Variants in MAP4K5 observed in about 807,000 individuals in gnomAD.
The protein encoded by MAP4K5 is MAPK/ERK kinase kinase kinase 5.
In MAP4K5, 82 loss-of-function variants were observed where a neutral mutation model predicts 135.6. The observed-to-expected ratio is 0.60, with a 90% CI of 0.51 to 0.73. MAP4K5 has a LOEUF of 0.73. MAP4K5 is among the 30% of genes least tolerant of loss of function. MAP4K5 has a pLI of 0.00. For synonymous variants in MAP4K5, 347 were observed against 335.0 expected (o/e 1.04, Z -0.39); for missense variants, 907 against 1,010.9 (o/e 0.90, Z 1.39).
intron 1 of MAP4K5, among the ~76,000 whole-genome samples, chr14:50,544,928 C>T (rs2038609525): frequency 8.4e-6 from 1 of 118,448 alleles, no homozygotes; most frequent in African/African-American, 3.6e-5. Flanking sequence ...CAGAGTGAGA[C>T]CCACTCTCAA....
At chr14:50,511,643 C>T (rs1179861145) in intron 2 of MAP4K5, among the ~76,000 whole-genome samples, 7 of 151,978 alleles carry the variant, frequency 4.6e-5, no homozygotes, top group African/African-American at 1.2e-4. Flanking sequence ...TTTTATGTAT[C>T]GAAACATCAC....
At chr14:50,420,864 A>G (rs530411681) in intron 32 of MAP4K5, among the ~76,000 whole-genome samples, 18 of 152,110 alleles carry the variant, frequency 1.2e-4, no homozygotes, top group African/African-American at 4.3e-4. Flanking sequence ...ATGGAGAAAG[A>G]GTTCAATCAA....
At chr14:50,543,021 G>C (rs957799223) in intron 1 of MAP4K5, among the ~76,000 whole-genome samples, 26 of 152,336 alleles carry the variant, frequency 1.7e-4, no homozygotes, top group African/African-American at 6.0e-4. Flanking sequence ...AAATTGCCCA[G>C]AATGTGAAAA....
intron 2 of MAP4K5, among the ~76,000 whole-genome samples, chr14:50,538,168 G>A (rs1384956938): frequency 6.6e-6 from 1 of 152,178 alleles, no homozygotes; most frequent in Non-Finnish European, 1.5e-5. Context: ...TAAGTCTCAT[G>A]AGATCTGATG....
intron 2 of MAP4K5, among the ~76,000 whole-genome samples, chr14:50,511,675 C>T (rs953585709): frequency 6.6e-6 from 1 of 151,908 alleles, no homozygotes; most frequent in Non-Finnish European, 1.5e-5. Context: ...ATGAATCTTA[C>T]CCATATGTAC....
chr14:50,495,639 A>G (rs1302081993), intron 3 of MAP4K5, among the ~76,000 whole-genome samples: 1 of 152,242 alleles, frequency 6.6e-6, no homozygotes, highest in Non-Finnish European at 1.5e-5. Flanking sequence ...TATTTACAAT[A>G]GCCAAGAGGT....
intron 28 of MAP4K5, among the ~76,000 whole-genome samples, chr14:50,430,384 A>G (rs1429098057): frequency 6.6e-6 from 1 of 152,244 alleles, no homozygotes; most frequent in Non-Finnish European, 1.5e-5. Context: ...AGAACTCTCT[A>G]GAGACACTGA....
At chr14:50,554,975 A>G (rs80223928) in intron 1 of MAP4K5, among the ~76,000 whole-genome samples, 5,671 of 152,202 alleles carry the variant, frequency 0.037, 103 homozygotes, top group Middle Eastern at 0.058. Context: ...TCCAATGTCT[A>G]TTTCCCTTCT....
intron 18 of MAP4K5, 78 bp from the exon 19 acceptor site, chr14:50,444,114 A>T: frequency 1.0e-6 from 1 of 959,672 alleles, no homozygotes. Context: ...CCTTTCTCCC[A>T]CTATTTGTCT....
At chr14:50,533,858 C>A (rs976807216), upstream of MAP4K5, among the ~76,000 whole-genome samples, 1 of 152,212 alleles carries the variant, frequency 6.6e-6, no homozygotes, top group Non-Finnish European at 1.5e-5. Context: ...CGCACCTTAA[C>A]AGGACAGGGC....
At chr14:50,560,453 A>G (rs925896166) in intron 1 of MAP4K5, 3 of 1,043,286 alleles carry the variant, frequency 2.9e-6, no homozygotes, top group African/African-American at 3.2e-5. Flanking sequence ...GTTTGGGCGG[A>G]GGAACCATGG....
chr14:50,490,717 G>T (rs1226283900), intron 3 of MAP4K5, among the ~76,000 whole-genome samples: 5 of 152,162 alleles, frequency 3.3e-5, no homozygotes, highest in Non-Finnish European at 7.4e-5. Flanking sequence ...TTAGTATCTG[G>T]GGTCACCTTG....
At chr14:50,554,265 C>T (rs1016339237) in intron 1 of MAP4K5, among the ~76,000 whole-genome samples, 5 of 152,174 alleles carry the variant, frequency 3.3e-5, no homozygotes, top group Admixed American at 3.3e-4. Context: ...TTGACTCATT[C>T]TCAAATTGGT....
intron 2 of MAP4K5, among the ~76,000 whole-genome samples, chr14:50,511,806 G>A (rs1339430748): frequency 6.6e-6 from 1 of 152,104 alleles, no homozygotes; most frequent in East Asian, 1.9e-4. Flanking sequence ...GGCTTACAAA[G>A]TGTATGATTC....
chr14:50,472,157 G>A (rs1334242313), intron 9 of MAP4K5: 12 of 133,878 alleles, frequency 9.0e-5, no homozygotes, highest in African/African-American at 2.7e-4. Context: ...ACTCTATGAA[G>A]GTAAAAAAAA....
chr14:50,461,831 A>G (rs1171329385), intron 13 of MAP4K5, among the ~76,000 whole-genome samples: 1 of 152,110 alleles, frequency 6.6e-6, no homozygotes, highest in Non-Finnish European at 1.5e-5. Context: ...AGGCAGGAGA[A>G]TCACTTGAAC....
intron 5 of MAP4K5, 142 bp from the exon 6 acceptor site, chr14:50,482,558 CACGA>C: frequency 2.2e-5 from 12 of 550,160 alleles, no homozygotes; most frequent in South Asian, 4.2e-5. Context: ...GCAGGCGGAT[CACGA>C]GGTCAAGAGC....
chr14:50,473,986 A>C (rs2037037294), intron 9 of MAP4K5, among the ~76,000 whole-genome samples: 1 of 152,114 alleles, frequency 6.6e-6, no homozygotes, highest in African/African-American at 2.4e-5. Context: ...AGCCTCTCAA[A>C]GTGCTGGGAT....
At chr14:50,521,003 C>A (rs10140122) in intron 2 of MAP4K5, among the ~76,000 whole-genome samples, 151,238 of 152,174 alleles carry the variant, frequency 0.99, 75,165 homozygotes, top group Middle Eastern at 1. Context: ...TTGTATTTTT[C>A]GTAGACAGGG....
Sources: gnomAD v4.1 joint callset for allele counts (sites outside exome capture counted in the v4.1 genomes callset) on GRCh38, gnomAD v4.1.1 for gene constraint, MANE v1.5 for transcripts, NCBI Gene and HGNC (gene_info 2026-07-23, HGNC 2026-07-21) for gene names.